Variants in SAMMSON observed in about 807,000 individuals in gnomAD.
SAMMSON encodes the protein long intergenic non-protein coding RNA 1212.
intron 4 of SAMMSON, among the ~76,000 whole-genome samples, chr3:70,128,258 C>T (rs1038787060): frequency 1.3e-5 from 2 of 152,084 alleles, no homozygotes; most frequent in East Asian, 1.9e-4. Flanking sequence ...ATTCCTCTCC[C>T]GAACCAAAAC....
rs568658315 is a variant in SAMMSON, at chr3:70,342,555, T to C, written n.740-11620T>C. ...TTCTGAAGAACTCAATTGCCACTTT[T>C]TTTTCACTAAATTGATTGATTAATG... On this transcript the variant is annotated intron_variant and non_coding_transcript_variant, in intron 7 of 9. Transcript: ENST00000642114. 3.3e-5 allele frequency among the ~76,000 whole-genome samples: 5 copies of C among 152,298 alleles called. No individual in the cohort carries two copies. In the South Asian group the frequency reaches 1.0e-3, roughly 32 times the overall value.
chr3:70,136,493 G>A (rs1267027484), intron 4 of SAMMSON, among the ~76,000 whole-genome samples: 1 of 152,210 alleles, frequency 6.6e-6, no homozygotes, highest in Admixed American at 6.5e-5. Flanking sequence ...TCAAATGATT[G>A]CAGCCCTGGC....
At chr3:70,254,164 T>C (rs1701794367) in intron 6 of SAMMSON, among the ~76,000 whole-genome samples, 1 of 152,042 alleles carries the variant, frequency 6.6e-6, no homozygotes. Context: ...AAAAAAATTG[T>C]ATGCTAACTA....
At chr3:70,288,410 T>C (rs1702190749) in intron 6 of SAMMSON, among the ~76,000 whole-genome samples, 1 of 149,120 alleles carries the variant, frequency 6.7e-6, no homozygotes, top group South Asian at 2.2e-4. Flanking sequence ...TTGATTGCAC[T>C]GTGGTCTGAG....
chr3:70,149,606 T>C (rs1157333249), intron 4 of SAMMSON, among the ~76,000 whole-genome samples: 2 of 152,126 alleles, frequency 1.3e-5, no homozygotes, highest in Non-Finnish European at 2.9e-5. Context: ...GGCTGATGCA[T>C]GCTAAGATTT....
intron 4 of SAMMSON, among the ~76,000 whole-genome samples, chr3:70,078,482 T>C (rs1051922428): frequency 2.0e-5 from 3 of 152,184 alleles, no homozygotes; most frequent in Admixed American, 6.5e-5. Context: ...TGAAATTAGC[T>C]GTTCTGTAGG....
At chr3:70,277,197 C>A (rs149383271) in intron 6 of SAMMSON, among the ~76,000 whole-genome samples, 3 of 152,264 alleles carry the variant, frequency 2.0e-5, no homozygotes, top group East Asian at 3.9e-4. Flanking sequence ...GAACAATGAA[C>A]ATAGCCCGTA....
At chr3:70,294,391 T>G (rs1311581739) in intron 7 of SAMMSON, among the ~76,000 whole-genome samples, 1 of 152,100 alleles carries the variant, frequency 6.6e-6, no homozygotes, top group African/African-American at 2.4e-5. Context: ...AAGCATTCAC[T>G]GCTGACAGAC....
intron 2 of SAMMSON, among the ~76,000 whole-genome samples, chr3:70,410,620 G>A (rs1027793576): frequency 6.6e-6 from 1 of 151,990 alleles, no homozygotes; most frequent in African/African-American, 2.4e-5. Context: ...CTTCATTATG[G>A]CAATGAGAAT....
intron 3 of SAMMSON, among the ~76,000 whole-genome samples, chr3:70,060,842 A>T (rs896802919): frequency 2.0e-5 from 3 of 152,128 alleles, no homozygotes; most frequent in Admixed American, 1.3e-4. Flanking sequence ...ATATGTACAT[A>T]TGAAAGGGAA....
At chr3:70,397,100 T>C (rs1159596030) in intron 2 of SAMMSON, among the ~76,000 whole-genome samples, 1 of 152,280 alleles carries the variant, frequency 6.6e-6, no homozygotes, top group East Asian at 1.9e-4. Context: ...TAATAGCTAA[T>C]GTAATAAAGA....
At chr3:70,091,897 C>A (rs1206559621) in intron 4 of SAMMSON, among the ~76,000 whole-genome samples, 1 of 152,158 alleles carries the variant, frequency 6.6e-6, no homozygotes, top group Non-Finnish European at 1.5e-5. Context: ...CAGTTGAACT[C>A]CATGTGCCTA....
intron 2 of SAMMSON, among the ~76,000 whole-genome samples, chr3:70,419,956 A>G (rs1701298471): frequency 6.6e-6 from 1 of 152,196 alleles, no homozygotes; most frequent in East Asian, 1.9e-4. Context: ...TTATACATAG[A>G]GTTTTTTGTC....
chr3:70,250,026 G>A (rs549461054), intron 6 of SAMMSON, among the ~76,000 whole-genome samples: 17 of 152,266 alleles, frequency 1.1e-4, no homozygotes, highest in Admixed American at 3.9e-4. Flanking sequence ...TTCTGGCTTC[G>A]AGTTGTTTAT....
chr3:70,393,874 A>G (rs912953840), downstream of SAMMSON, among the ~76,000 whole-genome samples: 1 of 152,158 alleles, frequency 6.6e-6, no homozygotes, highest in Admixed American at 6.6e-5. Context: ...CTCTACATAC[A>G]TGGAAGGATC....
intron 4 of SAMMSON, among the ~76,000 whole-genome samples, chr3:70,092,158 C>T (rs1275098130): frequency 6.6e-6 from 1 of 151,978 alleles, no homozygotes; most frequent in Non-Finnish European, 1.5e-5. Context: ...CGAAGTGATA[C>T]TTGCTTTGAA....
intron 4 of SAMMSON, chr3:70,125,246 CG>C: frequency 7.6e-7 from 1 of 1,309,738 alleles, no homozygotes; most frequent in South Asian, 1.2e-5. Flanking sequence ...TTTCATCAAA[CG>C]TATATCAAAC....
At chr3:70,253,083 GA>G (rs377641882) in intron 6 of SAMMSON, among the ~76,000 whole-genome samples, 7 of 148,204 alleles carry the variant, frequency 4.7e-5, no homozygotes, top group East Asian at 3.9e-4. Context: ...TTTGCTCAAA[GA>G]AAAAAAAAAT....
chr3:70,158,718 G>T (rs2067602021), intron 4 of SAMMSON, among the ~76,000 whole-genome samples: 1 of 151,930 alleles, frequency 6.6e-6, no homozygotes, highest in African/African-American at 2.4e-5. Flanking sequence ...CAGTTTAGGA[G>T]ATGGTTGAAA....
Sources: gnomAD v4.1 joint callset for allele counts (sites outside exome capture counted in the v4.1 genomes callset) on GRCh38, gnomAD v4.1.1 for gene constraint, MANE v1.5 for transcripts, NCBI Gene and HGNC (gene_info 2026-07-23, HGNC 2026-07-21) for gene names.